The following SAMD12 variants were observed in gnomAD, a reference collection of about 807,000 sequenced individuals.
SAMD12 encodes sterile alpha motif domain containing 12, also known as sterile alpha motif domain-containing protein 12.
A neutral mutation model predicts 15.0 loss-of-function variants in SAMD12; 9 were observed. The ratio of observed to expected loss-of-function variants is 0.60; its 90% confidence interval spans 0.36 to 1.05. The LOEUF (loss-of-function observed/expected upper bound fraction) is 1.05, where lower values mean the gene tolerates loss of function less well. Ranked by LOEUF, SAMD12 falls within the 50% of genes least tolerant of loss-of-function variation. SAMD12 has a pLI of 0.01. For synonymous variants in SAMD12, 86 were observed against 90.1 expected (o/e 0.96, Z 0.25); for missense variants, 230 against 234.2 (o/e 0.98, Z 0.12).
intron 4 of SAMD12, among the ~76,000 whole-genome samples, chr8:118,268,152 T>G (rs2130095739): frequency 6.6e-6 from 1 of 152,228 alleles, no homozygotes; most frequent in African/African-American, 2.4e-5. Flanking sequence ...CTAACCTAGT[T>G]AACTGATTAT....
At chr8:118,135,338 T>A in the SAMD12 span, among the ~76,000 whole-genome samples, 1 of 151,998 alleles carries the variant, frequency 6.6e-6, no homozygotes, top group Non-Finnish European at 1.5e-5. Flanking sequence ...TATATCACCA[T>A]GTCTGGCTAA....
chr8:118,533,830 G>A (rs1198408318), intron 2 of SAMD12, among the ~76,000 whole-genome samples: 33 of 151,146 alleles, frequency 2.2e-4, no homozygotes, highest in African/African-American at 5.1e-4. Context: ...TTGAGCCTAT[G>A]CGTGTCTCTG....
chr8:118,353,961 T>G (rs1818096622), intron 4 of SAMD12, among the ~76,000 whole-genome samples: 1 of 152,196 alleles, frequency 6.6e-6, no homozygotes, highest in Non-Finnish European at 1.5e-5. Context: ...CCTCCCTCCC[T>G]GCAGGCATCT....
chr8:118,442,519 G>T (rs1217420230), intron 2 of SAMD12, among the ~76,000 whole-genome samples: 2 of 152,188 alleles, frequency 1.3e-5, no homozygotes, highest in African/African-American at 4.8e-5. Context: ...CGTTGGGCAT[G>T]GAGGGTATAA....
chr8:118,143,797 C>T, the SAMD12 span, among the ~76,000 whole-genome samples: 140 of 152,106 alleles, frequency 9.2e-4, no homozygotes, highest in Non-Finnish European at 1.5e-3. Context: ...ATGGAAAGCA[C>T]GAAAACACGG....
chr8:118,204,467 CAA>C (rs1158304522), intron 4 of SAMD12, among the ~76,000 whole-genome samples: 1 of 152,038 alleles, frequency 6.6e-6, no homozygotes, highest in Non-Finnish European at 1.5e-5. Context: ...TCAGAATCTC[CAA>C]AGAGGCCGGA....
At chr8:118,518,401 T>C (rs944406496) in intron 2 of SAMD12, among the ~76,000 whole-genome samples, 3 of 152,208 alleles carry the variant, frequency 2.0e-5, no homozygotes, top group African/African-American at 7.2e-5. Flanking sequence ...ATCTACATCC[T>C]GTTAGTTATG....
chr8:118,161,984 AC>A, the SAMD12 span, among the ~76,000 whole-genome samples: 1 of 151,686 alleles, frequency 6.6e-6, no homozygotes, highest in Non-Finnish European at 1.5e-5. Flanking sequence ...ACATGGTGAA[AC>A]CCCATCTCTA....
At chr8:118,515,950 T>C (rs535095527) in intron 2 of SAMD12, among the ~76,000 whole-genome samples, 75 of 152,366 alleles carry the variant, frequency 4.9e-4, no homozygotes, top group Non-Finnish European at 9.7e-4. Context: ...TGAATTCTTC[T>C]CTGGGCACTC....
intron 2 of SAMD12, among the ~76,000 whole-genome samples, chr8:118,523,162 G>C (rs1825438748): frequency 6.6e-6 from 1 of 152,170 alleles, no homozygotes; most frequent in Admixed American, 6.6e-5. Context: ...TTGAAAATTA[G>C]CTCTGGGAGT....
chr8:118,544,716 TTCCC>T (rs1826076701), intron 2 of SAMD12, among the ~76,000 whole-genome samples: 1 of 152,180 alleles, frequency 6.6e-6, no homozygotes, highest in Non-Finnish European at 1.5e-5. Context: ...TCAACCTTCA[TTCCC>T]TGCTAACAAC....
intron 4 of SAMD12, among the ~76,000 whole-genome samples, chr8:118,352,052 G>A (rs1260441458): frequency 6.6e-6 from 1 of 152,308 alleles, no homozygotes; most frequent in South Asian, 2.1e-4. Context: ...CCTAACTTAC[G>A]AGTAGCAAAA....
At chr8:118,141,041 A>G in the SAMD12 span, among the ~76,000 whole-genome samples, 16 of 152,238 alleles carry the variant, frequency 1.1e-4, no homozygotes, top group Non-Finnish European at 2.4e-4. Context: ...TAAACACTGC[A>G]TTATTCATAT....
At chr8:118,620,763 C>T (rs1366070375) in intron 1 of SAMD12, among the ~76,000 whole-genome samples, 1 of 152,170 alleles carries the variant, frequency 6.6e-6, no homozygotes, top group African/African-American at 2.4e-5. Flanking sequence ...AAGGAATAGG[C>T]TGATTTCCCC....
exon 5 of SAMD12, chr8:118,193,757 A>G (rs1819475314): frequency 1.3e-5 from 2 of 152,000 alleles, no homozygotes; most frequent in African/African-American, 4.8e-5. Flanking sequence ...TTAAAAGAAG[A>G]GAGATGAAAG....
chr8:118,362,211 A>G (rs1020811582), intron 4 of SAMD12, among the ~76,000 whole-genome samples: 9 of 152,170 alleles, frequency 5.9e-5, no homozygotes, highest in African/African-American at 2.2e-4. Context: ...TAGCAAGAAA[A>G]TTAGAGACCA....
intron 2 of SAMD12, among the ~76,000 whole-genome samples, chr8:118,567,577 G>C (rs1020687527): frequency 9.9e-5 from 15 of 152,192 alleles, no homozygotes; most frequent in Admixed American, 4.6e-4. Flanking sequence ...AAGGGACAAA[G>C]AGGCACTGAA....
intron 1 of SAMD12, among the ~76,000 whole-genome samples, chr8:118,601,815 G>A (rs1312545558): frequency 6.6e-6 from 1 of 152,184 alleles, no homozygotes; most frequent in Non-Finnish European, 1.5e-5. Context: ...GAACTGATGG[G>A]TAGAAGCAGA....
intron 4 of SAMD12, among the ~76,000 whole-genome samples, chr8:118,351,419 A>G (rs1817957569): frequency 6.6e-6 from 1 of 152,142 alleles, no homozygotes; most frequent in Non-Finnish European, 1.5e-5. Context: ...ATTTTACTGG[A>G]AAGTGAGGCT....
Sources: gnomAD v4.1 joint callset for allele counts (sites outside exome capture counted in the v4.1 genomes callset) on GRCh38, gnomAD v4.1.1 for gene constraint, MANE v1.5 for transcripts, NCBI Gene and HGNC (gene_info 2026-07-23, HGNC 2026-07-21) for gene names.